Variants in LRRC4B observed in about 807,000 individuals in gnomAD.
LRRC4B encodes the protein leucine rich repeat containing 4B.
A neutral mutation model predicts 7.3 loss-of-function variants in LRRC4B; 1 was observed. The observed-to-expected ratio is 0.14, with a 90% CI of 0.05 to 0.65. The LOEUF (loss-of-function observed/expected upper bound fraction) is 0.65, where lower values mean the gene tolerates loss of function less well. Among genes scored for constraint, LRRC4B ranks in the 30% least tolerant of loss-of-function variants. The probability of loss-of-function intolerance (pLI) is 0.84; values close to 1 mark genes in which losing one functional copy is unlikely to be tolerated. For synonymous variants in LRRC4B, 500 were observed against 499.2 expected, an observed-to-expected ratio of 1.00 and a Z score of -0.02; for missense variants, 730 against 1,041.6, an observed-to-expected ratio of 0.70 and a Z score of 4.12.
chr19:50,530,503 C>T (rs1003252242), intron 2 of LRRC4B, among the ~76,000 whole-genome samples: 6 of 152,296 alleles, frequency 3.9e-5, no homozygotes, highest in Admixed American at 3.9e-4. Context: ...TTGAACCCAG[C>T]CCAAAGGTCT....
chr19:50,544,431 C>T (rs1339199863), intron 2 of LRRC4B, among the ~76,000 whole-genome samples: 4 of 151,362 alleles, frequency 2.6e-5, no homozygotes, highest in East Asian at 1.9e-4. Flanking sequence ...GGCGTGAACC[C>T]GGGAGGCGGA....
At chr19:50,559,079 C>A (rs1031317326) in intron 1 of LRRC4B, among the ~76,000 whole-genome samples, 6 of 152,094 alleles carry the variant, frequency 3.9e-5, no homozygotes, top group Admixed American at 2.6e-4. Flanking sequence ...CCATGGATAG[C>A]CAGATTTGGG....
chr19:50,566,002 G>A (rs1384084721), intron 1 of LRRC4B, among the ~76,000 whole-genome samples: 5 of 152,120 alleles, frequency 3.3e-5, no homozygotes, highest in Non-Finnish European at 7.4e-5. Flanking sequence ...CCTTTCGGCG[G>A]CTTCACTCTC....
chr19:50,566,336 C>A (rs555126921), intron 1 of LRRC4B, among the ~76,000 whole-genome samples: 205 of 145,168 alleles, frequency 1.4e-3, no homozygotes, highest in Non-Finnish European at 2.2e-3. Flanking sequence ...TGGGGCGCTG[C>A]GGAGGCGCCA....
chr19:50,546,750 CAA>C (rs1160201371), intron 2 of LRRC4B, among the ~76,000 whole-genome samples: 1 of 152,196 alleles, frequency 6.6e-6, no homozygotes, highest in East Asian at 1.9e-4. Context: ...CGCCCCCCCA[CAA>C]AGAGAAACGG....
In LRRC4B at chr19:50,543,790, T is replaced by C. The variant is rs370433571; in HGVS notation, c.297+4752A>G. Among the ~76,000 whole-genome samples, 3 of 144,536 alleles carry C rather than the reference T, an allele frequency of 2.1e-5. No homozygotes were observed. In the South Asian group the frequency reaches 6.5e-4, roughly 31 times the overall value. 94.8% of individuals were successfully genotyped at this position (144,536 alleles called of 152,430 possible). On this transcript the variant is annotated intron_variant, in intron 2 of 2. Coordinates refer to ENST00000652263, the MANE Select transcript of LRRC4B (RefSeq NM_001080457.2). ...ATCTCCTGAACCCAGGAGGCAGAGG[T>C]TGCAGTGAGCCAAGACTGTACCACT...
In LRRC4B at chr19:50,534,952, T is replaced by A. The variant is rs187134957; in HGVS notation, c.297+13590A>T. ...GCAGCGATCTCAGCTCACTGCAACC[T>A]CTGCCTCCCGGGTTCAAGTGATTCT... On this transcript the variant is annotated intron_variant, in intron 2 of 2. Transcript: ENST00000652263. Among the ~76,000 whole-genome samples, 670 of 152,264 alleles carry A rather than the reference T, an allele frequency of 4.4e-3. 3 individuals are homozygous for A. The highest frequency in any genetic ancestry group is 0.016 in the African/African-American group (648 of 41,566).
At chr19:50,567,366 C>T (rs1481455179) in intron 1 of LRRC4B, among the ~76,000 whole-genome samples, 1 of 151,750 alleles carries the variant, frequency 6.6e-6, no homozygotes, top group African/African-American at 2.4e-5. Context: ...TTGTCTCACT[C>T]CCCAATCACC....
At chr19:50,539,108 G>C (rs1041132854) in intron 2 of LRRC4B, among the ~76,000 whole-genome samples, 1 of 151,634 alleles carries the variant, frequency 6.6e-6, no homozygotes, top group Non-Finnish European at 1.5e-5. Context: ...TCGAACTCCT[G>C]ACCTTGTGAT....
intron 2 of LRRC4B, among the ~76,000 whole-genome samples, chr19:50,529,093 A>G (rs1490649669): frequency 6.6e-6 from 1 of 152,096 alleles, no homozygotes; most frequent in African/African-American, 2.4e-5. Flanking sequence ...TTTCTTCCTC[A>G]GAGAGAGTAT....
intron 2 of LRRC4B, among the ~76,000 whole-genome samples, chr19:50,545,178 C>A (rs146424207): frequency 2.2e-4 from 33 of 150,814 alleles, no homozygotes; most frequent in African/African-American, 8.1e-4. Flanking sequence ...GAGTCCGAGG[C>A]GGGCAGATCA....
chr19:50,561,460 G>A (rs561028189), intron 1 of LRRC4B, among the ~76,000 whole-genome samples: 14 of 152,266 alleles, frequency 9.2e-5, no homozygotes, highest in African/African-American at 2.6e-4. Context: ...CTTGTTGGCC[G>A]TGGTGGCTCA....
chr19:50,532,663 C>T (rs1362743823), intron 2 of LRRC4B, among the ~76,000 whole-genome samples: 1 of 152,194 alleles, frequency 6.6e-6, no homozygotes, highest in Non-Finnish European at 1.5e-5. Flanking sequence ...TTATTAGATC[C>T]CTATCGCAGT....
intron 2 of LRRC4B, among the ~76,000 whole-genome samples, chr19:50,545,690 A>AT (rs559089910): frequency 1.2e-3 from 175 of 149,800 alleles, no homozygotes; most frequent in African/African-American, 4.0e-3. Context: ...GATTTTTTCA[A>AT]TTTTTTATTT....
chr19:50,547,415 C>T (rs1981861921), intron 2 of LRRC4B, among the ~76,000 whole-genome samples: 1 of 152,046 alleles, frequency 6.6e-6, no homozygotes, highest in African/African-American at 2.4e-5. Flanking sequence ...CAGGGACAGA[C>T]CAGGCAGAAA....
chr19:50,556,649 C>T lies in LRRC4B; in HGVS notation c.-35-7776G>A, dbSNP rs1982285471. ...GCCTGCCTTCCTGCTAAGAGGGGAG[C>T]CCCTGAGGGCTTTGCCGCGGCGTCC... On this transcript the variant is annotated intron_variant, in intron 1 of 2. Coordinates refer to ENST00000652263, the MANE Select transcript of LRRC4B (RefSeq NM_001080457.2). The surrounding 1 kb of genome is among the most constrained non-coding windows in gnomAD (Gnocchi z 4.2). Among the ~76,000 whole-genome samples the T allele has an allele frequency of 6.6e-6, 1 of 152,204 alleles. No homozygotes were observed. Among genetic ancestry groups the T allele is most frequent in the African/African-American group, 2.4e-5 (1 of 41,450 alleles).
intron 1 of LRRC4B, among the ~76,000 whole-genome samples, chr19:50,561,925 G>A (rs1265866524): frequency 6.6e-6 from 1 of 150,786 alleles, no homozygotes; most frequent in African/African-American, 2.5e-5. Flanking sequence ...GTGAAACGGT[G>A]TCTCTACCAT....
At chr19:50,522,784 A>C (rs1980640742) in intron 2 of LRRC4B, among the ~76,000 whole-genome samples, 1 of 152,136 alleles carries the variant, frequency 6.6e-6, no homozygotes, top group Non-Finnish European at 1.5e-5. Context: ...AGCCACATGA[A>C]AGTAAAGCTT....
rs549746349 is a variant in LRRC4B at position 50,541,797 on chromosome 19, T to G, written c.297+6745A>C. Among the ~76,000 whole-genome samples, 14 of 152,162 alleles carry G rather than the reference T, an allele frequency of 9.2e-5. No individual in the cohort carries two copies. In the East Asian group the frequency reaches 2.7e-3, roughly 29 times the overall value. On this transcript the variant is annotated intron_variant, in intron 2 of 2. Transcript: ENST00000652263. ...CCTCTGGGTATATATTCCACAGAAA[T>G]GATCATGCAGCTCCCAGAGGGGTCC...
Sources: allele counts gnomAD v4.1 joint callset (sites outside exome capture counted in the v4.1 genomes callset), GRCh38; gene constraint gnomAD v4.1.1; non-coding constraint Gnocchi (gnomAD v3.1); transcripts MANE v1.5; gene names NCBI Gene and HGNC (gene_info 2026-07-23, HGNC 2026-07-21).